The following ZAP70 variants were observed in gnomAD, a reference collection of about 807,000 sequenced individuals.
ZAP70 encodes the protein zeta chain of T cell receptor associated protein kinase 70.
Under a neutral mutation model 65.8 loss-of-function variants are expected in ZAP70, and 27 were observed. The observed-to-expected ratio is 0.41, with a 90% confidence interval of 0.30 to 0.57. The LOEUF (loss-of-function observed/expected upper bound fraction) is 0.57. Ranked by LOEUF, ZAP70 falls within the 20% of genes least tolerant of loss-of-function variation. ZAP70 has a pLI of 0.28. For synonymous variants in ZAP70, 363 were observed against 360.8 expected (o/e 1.01, Z -0.07); for missense variants, 696 against 870.5 (o/e 0.80, Z 2.52).
At chr2:97,751,544 C>G in the ZAP70 span, among the ~76,000 whole-genome samples, 1 of 152,148 alleles carries the variant, frequency 6.6e-6, no homozygotes, top group Admixed American at 6.5e-5. Flanking sequence ...TTCTGTTTTT[C>G]TAGAGGACTG....
intron 4 of ZAP70, among the ~76,000 whole-genome samples, chr2:97,725,802 G>A (rs778844991): frequency 1.3e-5 from 2 of 152,242 alleles, no homozygotes; most frequent in African/African-American, 2.4e-5. Flanking sequence ...AGAAGCTGAG[G>A]AGTGAGCTGT....
In ZAP70 at chr2:97,737,782, TCAAGTGGTACGCA is replaced by T. The variant is rs730880319; in HGVS notation, c.1510_1522del (p.Lys504ProfsTer36). On this transcript the variant is annotated frameshift_variant, in exon 12 of 14. Transcript: ENST00000264972. LOFTEE classifies it high-confidence loss of function. The surrounding 1 kb of genome is among the most constrained non-coding windows in gnomAD (Gnocchi z 5.0). ...GCCCGCTCAGCAGGGAAGTGGCCGC[TCAAGTGGTACGCA>T]CCCGAATGCATCAACTTCCGCAAGT... The T allele has an allele frequency of 2.5e-6, 4 of 1,614,040 alleles. No individual in the cohort carries two copies. Among genetic ancestry groups the T allele is most frequent in the Admixed American group, 1.7e-5 (1 of 60,012 alleles).
chr2:97,743,096 G>A (rs1384067557), downstream of ZAP70, among the ~76,000 whole-genome samples: 1 of 152,024 alleles, frequency 6.6e-6, no homozygotes, highest in Non-Finnish European at 1.5e-5. Context: ...GAGAGAAATG[G>A]GAAAGAAAAA....
chr2:97,723,362 C>G (rs2104658684), intron 2 of ZAP70, among the ~76,000 whole-genome samples: 1 of 152,376 alleles, frequency 6.6e-6, no homozygotes. Context: ...CTTGGGTGAG[C>G]AAAGCTGGGT....
Position 97,738,528 on chromosome 2 carries a change from A to G in ZAP70, c.1736+421A>G, listed in dbSNP as rs532497378. ...CAGACAGGTGAGCACTGAGGTACCAAATACTCATCTATTCCAGCCCCCACC... is the reference window on the plus strand; with the variant it reads ...CAGACAGGTGAGCACTGAGGTACCAGATACTCATCTATTCCAGCCCCCACC... On this transcript the variant is annotated intron_variant, in intron 13 of 13. Transcript: ENST00000264972. The G allele has an allele frequency of 9.3e-5, 25 of 269,286 alleles. No individual in the cohort carries two copies. The East Asian group carries it at 2.1e-3, about 22-fold the overall frequency. 16.7% of individuals were successfully genotyped at this position (269,286 alleles called of 1,614,324 possible).
Position 97,732,864 on chromosome 2 carries a change from C to T in ZAP70, c.564-19C>T, listed in dbSNP as rs758526153. 2.2e-5 allele frequency: 36 copies of T among 1,613,548 alleles called. No individual in the cohort carries two copies. The highest frequency in any genetic ancestry group is 1.8e-4 in the Admixed American group (11 of 59,994). ...CCCAGGTGGCTCTAGGGGTTACATC[C>T]CCTCCCTTCCCCTGCCAGGCTGAGG... On this transcript the variant is annotated intron_variant, in intron 4 of 13. Coordinates refer to ENST00000264972, the MANE Select transcript of ZAP70 (RefSeq NM_001079.4).
At chr2:97,721,342 A>T (rs1211210905) in intron 2 of ZAP70, among the ~76,000 whole-genome samples, 2 of 152,210 alleles carry the variant, frequency 1.3e-5, no homozygotes, top group Non-Finnish European at 2.9e-5. Context: ...CAAAAATATG[A>T]ATCACTCGAT....
chr2:97,739,334 G>A, intron 13 of ZAP70, 41 bp from the exon 14 acceptor site: 2 of 1,610,884 alleles, frequency 1.2e-6, no homozygotes, highest in Non-Finnish European at 8.5e-7. Context: ...CTGGGTCCTG[G>A]GGGCGTGGTC....
chr2:97,739,503 C>T lies in ZAP70; in HGVS notation c.*5C>T. Reference sequence around the variant, plus strand: ...GCTGAGGCTGCCTGTGCCTGAGCTCCCGCTGCCCAGGGGAGCCCTCCACGC... The same window carrying T: ...GCTGAGGCTGCCTGTGCCTGAGCTCTCGCTGCCCAGGGGAGCCCTCCACGC... On this transcript the variant is annotated 3_prime_UTR_variant, in exon 14 of 14. Transcript: ENST00000264972. The T allele has an allele frequency of 1.2e-6, 2 of 1,611,842 alleles. No homozygotes were observed. The highest frequency in any genetic ancestry group is 1.7e-6 in the Non-Finnish European group (2 of 1,179,402).
the ZAP70 span, among the ~76,000 whole-genome samples, chr2:97,753,674 T>C: frequency 1.3e-5 from 2 of 152,202 alleles, no homozygotes; most frequent in Non-Finnish European, 2.9e-5. Context: ...TACGTATTTA[T>C]ATAAACATAT....
chr2:97,734,555 C>T lies in ZAP70; in HGVS notation c.925C>T (p.Pro309Ser). ...ITSPDKPRPMPMDTSVYESPY... is the reference protein window; with the variant it reads ...ITSPDKPRPMSMDTSVYESPY... The stretch of plus-strand genomic sequence containing the variant: ...GTCCCCAGACAAACCGCGGCCGATG[C>T]CCATGGACACGAGCGTGTATGAGAG... The change falls in exon 9 of 14, where the codon CCC (proline) becomes TCC (serine). Residue 309 changes from proline (P) to serine (S), a missense_variant. Transcript: ENST00000264972. The T allele has an allele frequency of 6.2e-7, 1 of 1,614,120 alleles. No homozygotes were observed.
At chr2:97,746,099 C>T in the ZAP70 span, among the ~76,000 whole-genome samples, 1 of 152,152 alleles carries the variant, frequency 6.6e-6, no homozygotes, top group Non-Finnish European at 1.5e-5. Context: ...GTTCCACTTA[C>T]AGGAAATATC....
downstream of ZAP70, among the ~76,000 whole-genome samples, chr2:97,740,158 G>C (rs1573294121): frequency 6.6e-6 from 1 of 152,206 alleles, no homozygotes; most frequent in East Asian, 1.9e-4. Context: ...GGATCACCTG[G>C]AGCTATTTTA....
intron 13 of ZAP70, among the ~76,000 whole-genome samples, chr2:97,738,843 G>A (rs575015729): frequency 6.6e-6 from 1 of 152,118 alleles, no homozygotes; most frequent in Admixed American, 6.5e-5. Context: ...CCACACCCCA[G>A]TACCCAAAGA....
Position 97,739,620 on chromosome 2 carries a change from G to C in ZAP70, c.*122G>C, listed in dbSNP as rs1678063659. ...CCACACACAGCTGGGCTGTGGTAGG[G>C]GGTGTCTCAGGCCACACCGGCCTTG... On this transcript the variant is annotated 3_prime_UTR_variant, in exon 14 of 14. Transcript: ENST00000264972. 1 of 1,420,450 alleles carries C rather than the reference G, an allele frequency of 7.0e-7. No individual in the cohort carries two copies. Among genetic ancestry groups the C allele is most frequent in the African/African-American group, 1.4e-5 (1 of 71,084 alleles). 88.0% of individuals were successfully genotyped at this position (1,420,450 alleles called of 1,614,324 possible).
At chr2:97,735,863 A>G (rs1677856853) in intron 10 of ZAP70, among the ~76,000 whole-genome samples, 1 of 152,068 alleles carries the variant, frequency 6.6e-6, no homozygotes, top group South Asian at 2.1e-4. Context: ...AATACAAAAG[A>G]TTAGCTGGGC....
At chr2:97,725,362 G>A in intron 4 of ZAP70, 110 bp downstream of exon 4, 1 of 1,341,604 alleles carries the variant, frequency 7.5e-7, no homozygotes, top group Non-Finnish European at 1.0e-6. Context: ...GTGTCCCTGT[G>A]CTCACATGTG....
rs888854725 is a variant in ZAP70 at position 97,736,051 on chromosome 2, G to A, written c.1289+595G>A. Among the ~76,000 whole-genome samples, 2 of 152,120 alleles carry A rather than the reference G, an allele frequency of 1.3e-5. No homozygotes were observed. The highest frequency in any genetic ancestry group is 2.4e-5 in the African/African-American group (1 of 41,414). On this transcript the variant is annotated intron_variant, in intron 10 of 13. Transcript: ENST00000264972. The surrounding 1 kb of genome is among the most constrained non-coding windows in gnomAD (Gnocchi z 4.0). ...AATAAATAAAGGGCACTGCTAGTAAGAGCTTTGTACACATCAGCTGCTCCC... is the reference window on the plus strand; with the variant it reads ...AATAAATAAAGGGCACTGCTAGTAAAAGCTTTGTACACATCAGCTGCTCCC...
At position 97,735,359 on chromosome 2, in the gene ZAP70, A is replaced by C; in HGVS notation, c.1192A>C (p.Ile398Leu). Residue 398 changes from isoleucine (I) to leucine (L), a missense_variant, in exon 10 of 14, where the codon ATC becomes CTC. Coordinates refer to ENST00000264972, the MANE Select transcript of ZAP70 (RefSeq NM_001079.4). The stretch of plus-strand genomic sequence containing the variant: ...CATGCACCAGCTGGACAACCCCTAC[A>C]TCGTGCGGCTCATTGGCGTCTGCCA... ...QIMHQLDNPY[I>L]VRLIGVCQAE... is the part of the protein sequence containing the mutation. The C allele has an allele frequency of 6.2e-7, 1 of 1,614,092 alleles. No individual in the cohort carries two copies. Among genetic ancestry groups the C allele is most frequent in the Admixed American group, 1.7e-5 (1 of 60,032 alleles).
Sources: gnomAD v4.1 joint callset for allele counts (sites outside exome capture counted in the v4.1 genomes callset) on GRCh38, gnomAD v4.1.1 for gene constraint, Gnocchi (gnomAD v3.1) non-coding constraint, MANE v1.5 for transcripts, NCBI Gene and HGNC (gene_info 2026-07-23, HGNC 2026-07-21) for gene names.